Variants in SLC38A10 observed in about 807,000 individuals in gnomAD.
The protein encoded by SLC38A10 is solute carrier family 38 member 10.
Under a neutral mutation model 81.0 loss-of-function variants are expected in SLC38A10, and 53 were observed. The observed-to-expected ratio is 0.65, with a 90% CI of 0.53 to 0.82. The LOEUF is 0.82. Ranked by LOEUF, SLC38A10 falls within the 40% of genes least tolerant of loss-of-function variation. The pLI is 0.00. For missense variants in SLC38A10, 1,471 were observed against 1,545.0 expected, an observed-to-expected ratio of 0.95 and a Z score of 0.80; for synonymous variants, 665 against 655.3, an observed-to-expected ratio of 1.01 and a Z score of -0.23.
chr17:81,245,639 G>A lies in SLC38A10; in HGVS notation c.3277C>T (p.Leu1093Phe), dbSNP rs1461304197. The A allele has an allele frequency of 2.5e-6, 4 of 1,612,222 alleles. No homozygotes were observed. In the African/African-American group the frequency reaches 5.3e-5, roughly 22 times the overall value. The change falls in exon 16 of 16, where the codon CTC becomes TTC. Residue 1093 changes from leucine to phenylalanine, a missense_variant. This residue lies in a region of SLC38A10 where 751 missense variants were observed against 717.4 expected (regional missense o/e 1.05). Coordinates refer to ENST00000374759, the MANE Select transcript of SLC38A10 (RefSeq NM_001037984.3). ...AGAGCTCCCCCCGCAGCCTGGCGGA[G>A]CTGGGCATCCAGGGCGCCACGGAGG... Reference protein sequence around the residue: ...NDLRGALDAQLRQAAGGALQV... With the variant: ...NDLRGALDAQFRQAAGGALQV...
chr17:81,269,593 G>A (rs1208746872), intron 10 of SLC38A10, among the ~76,000 whole-genome samples: 2 of 152,266 alleles, frequency 1.3e-5, no homozygotes, highest in East Asian at 1.9e-4. Flanking sequence ...TTGGGGTGGG[G>A]GTGGATGTCA....
chr17:81,279,080 C>T (rs913677731), intron 6 of SLC38A10, among the ~76,000 whole-genome samples: 1 of 152,252 alleles, frequency 6.6e-6, no homozygotes, highest in African/African-American at 2.4e-5. Flanking sequence ...GCAAGGCAGC[C>T]TCTGAGCCTC....
In SLC38A10 at chr17:81,253,799, CCAT is replaced by C. The variant is rs1035094978; in HGVS notation, c.1289-562_1289-560del. On this transcript the variant is annotated intron_variant, in intron 11 of 15. Coordinates refer to ENST00000374759, the MANE Select transcript of SLC38A10 (RefSeq NM_001037984.3). The surrounding 1 kb of genome is among the most constrained non-coding windows in gnomAD (Gnocchi z 4.1). ...ACCATCTCCATCCCTACCACCATCA[CCAT>C]CATCATCACCGTCACCATCATCACC... 1.5e-4 allele frequency among the ~76,000 whole-genome samples: 16 copies of C among 105,162 alleles called. No homozygotes were observed. The highest frequency in any genetic ancestry group is 2.5e-4 in the South Asian group (1 of 3,978). 69.0% of individuals were successfully genotyped at this position (105,162 alleles called of 152,430 possible). A position where few individuals can be genotyped will look rare whatever the true frequency, so the allele number is the denominator to read the frequency against.
At chr17:81,271,055 G>C (rs780449719) in intron 9 of SLC38A10, 31 bp from the exon 10 acceptor site, 1 of 1,571,784 alleles carries the variant, frequency 6.4e-7, no homozygotes, top group South Asian at 1.1e-5. Context: ...GAAGGGATGA[G>C]TGGGGAAGGG....
At position 81,277,724 on chromosome 17, in the gene SLC38A10, G is replaced by A. The variant is rs905522087; in HGVS notation, c.627-591C>T. Among the ~76,000 whole-genome samples the A allele has an allele frequency of 2.6e-5, 4 of 152,232 alleles. No individual in the cohort carries two copies. The highest frequency in any genetic ancestry group is 2.6e-4 in the Admixed American group (4 of 15,284). On this transcript the variant is annotated intron_variant, in intron 6 of 15. Transcript: ENST00000374759. This position sits in a 1 kb window ranked among gnomAD's most constrained non-coding sequence, Gnocchi z 4.5. ...GGGAGGGACCCAAGCCACCAGCCAG[G>A]CAAGGACATGACAGCCCTGCACAGG...
At chr17:81,272,462 A>G (rs2063125033) in intron 9 of SLC38A10, 54 bp downstream of exon 9, 3 of 1,200,900 alleles carry the variant, frequency 2.5e-6, no homozygotes, top group Middle Eastern at 2.4e-4. Flanking sequence ...GTCTTGGTTG[A>G]TGCCGAAGCC....
intron 14 of SLC38A10, among the ~76,000 whole-genome samples, chr17:81,249,456 G>GAGGAGGGAGGAGAGAGGAGGGAGA (rs2062888345): frequency 0.015 from 6 of 406 alleles, no homozygotes; most frequent in African/African-American, 0.023. Flanking sequence ...AGGGAGGGAA[G>GAGGAGGGAGGAGAGAGGAGGGAGA]AGGAGGGAGG....
rs761677865 is a variant in SLC38A10 at position 81,246,887 on chromosome 17, T to C, written c.2240A>G (p.Gln747Arg). ...RQEDEEDKPRQVEVHQEPGAA... is the reference protein window; with the variant it reads ...RQEDEEDKPRRVEVHQEPGAA... ...CTCCATCCGCCAGCCCGGCCTACCCTGCCTGGGTTTATCCTCCTCGTCCTC... is the reference window on the plus strand; with the variant it reads ...CTCCATCCGCCAGCCCGGCCTACCCCGCCTGGGTTTATCCTCCTCGTCCTC... The change falls in exon 15 of 16, where the codon CAG becomes CGG. Residue 747 changes from glutamine to arginine, a missense_variant and splice_region_variant. Gln to Arg is a conservative substitution (Grantham distance 43, BLOSUM62 1). Around this residue, in one of 2 missense-constraint regions of SLC38A10, gnomAD observed 751 missense variants for 717.4 expected, o/e 1.05. Transcript: ENST00000374759. The C allele has an allele frequency of 1.9e-6, 3 of 1,590,800 alleles. No homozygotes were observed. The highest frequency in any genetic ancestry group is 2.6e-6 in the Non-Finnish European group (3 of 1,166,242).
At chr17:81,254,718 T>C (rs1225701683) in intron 11 of SLC38A10, among the ~76,000 whole-genome samples, 1 of 152,208 alleles carries the variant, frequency 6.6e-6, no homozygotes, top group Admixed American at 6.5e-5. Flanking sequence ...AGTGCTGGGA[T>C]TACATGCGTG....
In SLC38A10 at chr17:81,252,262, G is replaced by A. The variant is rs147408143; in HGVS notation, c.1878C>T (p.Ala626=). ...NGLAVGGGEK[A]KGGPPPGNAA... ...CGTTGCCTGGCGGCGGTCCCCCCTT[G>A]GCCTTTTCCCCTCCACCCACCGCCA... Residue 626 remains alanine (A), a synonymous_variant, in exon 13 of 16, where the codon GCC becomes GCT. Coordinates refer to ENST00000374759, the MANE Select transcript of SLC38A10 (RefSeq NM_001037984.3). The A allele has an allele frequency of 9.3e-5, 149 of 1,594,122 alleles. No individual in the cohort carries two copies. Among genetic ancestry groups the A allele is most frequent in the Non-Finnish European group, 1.2e-4 (145 of 1,169,820 alleles).
chr17:81,247,676 A>C (rs1015348668), intron 14 of SLC38A10: 7 of 151,556 alleles, frequency 4.6e-5, no homozygotes, highest in African/African-American at 1.5e-4. Context: ...AAACAAAAAA[A>C]ACAAAAAAAT....
intron 10 of SLC38A10, among the ~76,000 whole-genome samples, chr17:81,261,660 T>G (rs1408307180): frequency 6.6e-6 from 1 of 152,230 alleles, no homozygotes; most frequent in Non-Finnish European, 1.5e-5. Flanking sequence ...CTTCCTTCTC[T>G]GCCACCCGGA....
rs2062844976 is a variant in SLC38A10, at chr17:81,245,919, C to T, written c.2997G>A (p.Glu999=). Residue 999 remains glutamate (E), a synonymous_variant, in exon 16 of 16, where the codon GAG becomes GAA. Coordinates refer to ENST00000374759, the MANE Select transcript of SLC38A10 (RefSeq NM_001037984.3). ...CAGCGTCCTCCCCGCCTCTCGGCTGCTCGTGGGACACAGGCACATGGTCCC... is the reference window on the plus strand; with the variant it reads ...CAGCGTCCTCCCCGCCTCTCGGCTGTTCGTGGGACACAGGCACATGGTCCC... ...RGGDHVPVSH[E]QPRGGEDAAV... is the part of the protein sequence containing the mutation. The T allele has an allele frequency of 6.2e-7, 1 of 1,611,488 alleles. No homozygotes were observed. The highest frequency in any genetic ancestry group is 8.5e-7 in the Non-Finnish European group (1 of 1,179,082).
chr17:81,275,570 A>C (rs1446276663), intron 8 of SLC38A10, among the ~76,000 whole-genome samples: 1 of 150,712 alleles, frequency 6.6e-6, no homozygotes, highest in Non-Finnish European at 1.5e-5. Flanking sequence ...CATCTCTACT[A>C]AAAATACAAA....
chr17:81,295,062 G>A lies in SLC38A10; in HGVS notation c.-141C>T, dbSNP rs1017383204. The A allele has an allele frequency of 7.6e-7, 1 of 1,307,588 alleles. No homozygotes were observed. The highest frequency in any genetic ancestry group is 9.8e-7 in the Non-Finnish European group (1 of 1,024,786). The allele number at this position is 1,307,588 out of a possible 1,614,324, so 81.0% of individuals were successfully genotyped here. A position where few individuals can be genotyped will look rare whatever the true frequency, so the allele number is the denominator to read the frequency against. On this transcript the variant is annotated 5_prime_UTR_variant, in exon 1 of 16. Transcript: ENST00000374759. ...GGGAGGGGATGGGCAGCCTGAACAC[G>A]GGAGCCTGAGCAGGCGCGGGCGCGG...
chr17:81,249,431 G>GA (rs2062887376), intron 14 of SLC38A10, among the ~76,000 whole-genome samples: 2 of 45,912 alleles, frequency 4.4e-5, no homozygotes, highest in South Asian at 5.7e-4. Context: ...GAGGGAGAAG[G>GA]AGGGAGGGAG....
chr17:81,293,091 A>G (rs910389994), intron 1 of SLC38A10, among the ~76,000 whole-genome samples: 1 of 152,354 alleles, frequency 6.6e-6, no homozygotes, highest in East Asian at 1.9e-4. Flanking sequence ...CGAACCCTGG[A>G]GGCAGAGGTT....
chr17:81,289,613 G>C lies in SLC38A10; in HGVS notation c.217+78C>G. 1 of 951,884 alleles carries C rather than the reference G, an allele frequency of 1.1e-6. No individual in the cohort carries two copies. Among genetic ancestry groups the C allele is most frequent in the Non-Finnish European group, 1.5e-6 (1 of 674,212 alleles). The allele number at this position is 951,884 out of a possible 1,614,324, so 59.0% of individuals were successfully genotyped here. On this transcript the variant is annotated intron_variant, in intron 2 of 15. Transcript: ENST00000374759. This position sits in a 1 kb window ranked among gnomAD's most constrained non-coding sequence, Gnocchi z 5.9. ...CAAGGAATTCTTGAAGAATCAAGTA[G>C]AGTAAATAAATAAATAAATAAATGG...
intron 1 of SLC38A10, among the ~76,000 whole-genome samples, chr17:81,294,330 C>A (rs1156713259): frequency 6.6e-6 from 1 of 152,200 alleles, no homozygotes; most frequent in Admixed American, 6.5e-5. Flanking sequence ...CACCCCCTGC[C>A]AAATGTGCGG....
Sources: gnomAD v4.1 joint callset for allele counts (sites outside exome capture counted in the v4.1 genomes callset) on GRCh38, gnomAD v4.1.1 for gene constraint, gnomAD v4.1.1 regional missense constraint, Gnocchi (gnomAD v3.1) non-coding constraint, MANE v1.5 for transcripts, NCBI Gene and HGNC (gene_info 2026-07-23, HGNC 2026-07-21) for gene names.